The following DLG2 variants were observed in gnomAD, a reference collection of about 807,000 sequenced individuals.
DLG2 encodes the protein discs large MAGUK scaffold protein 2.
Under a neutral mutation model 132.5 loss-of-function variants are expected in DLG2, and 45 were observed. The observed-to-expected ratio is 0.34, with a 90% confidence interval of 0.27 to 0.44. DLG2 has a LOEUF of 0.44. DLG2 is among the 20% of genes least tolerant of loss of function. DLG2 has a pLI of 1.00. For missense variants in DLG2, 1,045 were observed against 1,196.9 expected, an observed-to-expected ratio of 0.87 and a Z score of 1.87; for synonymous variants, 424 against 419.6, an observed-to-expected ratio of 1.01 and a Z score of -0.13.
At chr11:85,496,828 T>C (rs1486649490) in intron 3 of DLG2, among the ~76,000 whole-genome samples, 2 of 152,058 alleles carry the variant, frequency 1.3e-5, no homozygotes, top group African/African-American at 4.8e-5. Flanking sequence ...GACCTGCAGC[T>C]GAGAGGCCTG....
intron 3 of DLG2, among the ~76,000 whole-genome samples, chr11:85,295,634 T>C (rs1025527619): frequency 1.3e-5 from 2 of 152,128 alleles, no homozygotes; most frequent in African/African-American, 4.8e-5. Flanking sequence ...CATAATAGAA[T>C]GTTAGGGGTT....
At chr11:84,037,810 A>C (rs1411514396) in intron 11 of DLG2, among the ~76,000 whole-genome samples, 2 of 152,032 alleles carry the variant, frequency 1.3e-5, no homozygotes, top group African/African-American at 4.8e-5. Context: ...AGTTTCATAC[A>C]TGTTGATGTT....
chr11:85,625,439 G>A (rs1478172641), intron 2 of DLG2, among the ~76,000 whole-genome samples: 2 of 152,142 alleles, frequency 1.3e-5, no homozygotes, highest in African/African-American at 2.4e-5. Context: ...GAAACAGCAG[G>A]GGGAGGAAAC....
intron 3 of DLG2, among the ~76,000 whole-genome samples, chr11:85,466,415 G>C (rs2092792588): frequency 3.3e-5 from 5 of 152,166 alleles, no homozygotes. Flanking sequence ...TATTGCCTAG[G>C]TATTCTTCTA....
intron 6 of DLG2, among the ~76,000 whole-genome samples, chr11:84,553,383 A>C (rs1357748313): frequency 3.9e-5 from 6 of 152,216 alleles, no homozygotes; most frequent in Non-Finnish European, 4.4e-5. Flanking sequence ...AAATGTTATC[A>C]ACCTAAAATG....
intron 6 of DLG2, among the ~76,000 whole-genome samples, chr11:84,984,052 A>G (rs2056144612): frequency 6.6e-6 from 1 of 152,224 alleles, no homozygotes; most frequent in South Asian, 2.1e-4. Context: ...TTCCTGAGTA[A>G]AAAGAGAAAT....
intron 5 of DLG2, among the ~76,000 whole-genome samples, chr11:85,132,026 T>A (rs973219646): frequency 1.3e-5 from 2 of 152,140 alleles, no homozygotes; most frequent in South Asian, 4.1e-4. Context: ...ATTCAAATAA[T>A]CAGTGATTAT....
intron 6 of DLG2, among the ~76,000 whole-genome samples, chr11:84,927,377 G>A (rs1010025520): frequency 6.6e-6 from 1 of 151,872 alleles, no homozygotes; most frequent in Non-Finnish European, 1.5e-5. Context: ...ATACGTTAAG[G>A]ATTCTCTAGA....
Position 85,314,057 on chromosome 11 carries a change from A to G in DLG2, c.41-28692T>C, listed in dbSNP as rs1260776246. Among the ~76,000 whole-genome samples the G allele has an allele frequency of 2.0e-5, 3 of 152,036 alleles. No homozygotes were observed. The East Asian group carries it at 5.8e-4, about 29-fold the overall frequency. ...CCCAAAATGAAACAAAAAGTAAAGA[A>G]CAATTAGACTGCTTCTAAATTTTAG... On this transcript the variant is annotated intron_variant, in intron 3 of 27. Coordinates refer to ENST00000376104, the MANE Select transcript of DLG2 (RefSeq NM_001142699.3).
chr11:85,389,151 TA>T (rs945137524), intron 3 of DLG2, among the ~76,000 whole-genome samples: 2 of 151,742 alleles, frequency 1.3e-5, no homozygotes, highest in African/African-American at 4.8e-5. Flanking sequence ...ATACATAGAA[TA>T]AATAAAAAAC....
At chr11:84,824,222 C>A (rs114204472) in intron 6 of DLG2, among the ~76,000 whole-genome samples, 211 of 152,032 alleles carry the variant, frequency 1.4e-3, no homozygotes, top group African/African-American at 4.9e-3. Flanking sequence ...ATCTTCTGCT[C>A]ACATCTTTAC....
chr11:83,550,031 A>G (rs2096349427), intron 19 of DLG2, among the ~76,000 whole-genome samples: 1 of 152,190 alleles, frequency 6.6e-6, no homozygotes, highest in Admixed American at 6.5e-5. Context: ...TGTTCTGTGG[A>G]TTGTATGACA....
At chr11:85,181,571 A>AT (rs2079706007) in intron 4 of DLG2, among the ~76,000 whole-genome samples, 1 of 151,590 alleles carries the variant, frequency 6.6e-6, no homozygotes, top group African/African-American at 2.4e-5. Flanking sequence ...TTCCCTTGTT[A>AT]TTTTTTCCCT....
intron 6 of DLG2, among the ~76,000 whole-genome samples, chr11:84,940,409 T>C (rs1420224740): frequency 6.6e-6 from 1 of 152,212 alleles, no homozygotes; most frequent in Non-Finnish European, 1.5e-5. Flanking sequence ...TGCCTAGGCC[T>C]CCCAAAGTGC....
intron 6 of DLG2, among the ~76,000 whole-genome samples, chr11:84,575,538 T>C (rs1007590227): frequency 6.6e-6 from 1 of 152,210 alleles, no homozygotes; most frequent in Non-Finnish European, 1.5e-5. Context: ...GTTAAATGTA[T>C]CTTTTAAGAA....
intron 4 of DLG2, among the ~76,000 whole-genome samples, chr11:85,253,288 C>A (rs1288464579): frequency 6.6e-6 from 1 of 152,086 alleles, no homozygotes; most frequent in Non-Finnish European, 1.5e-5. Flanking sequence ...CATAGCAAAA[C>A]AAAATTTTTA....
intron 19 of DLG2, among the ~76,000 whole-genome samples, chr11:83,587,688 T>G (rs184350292): frequency 0.017 from 2,588 of 152,226 alleles, 34 homozygotes; most frequent in Middle Eastern, 0.071. Flanking sequence ...CAGCGTGAGC[T>G]ACGCAGAAGA....
chr11:85,094,433 TC>T (rs1468900194), intron 6 of DLG2, among the ~76,000 whole-genome samples: 1 of 152,192 alleles, frequency 6.6e-6, no homozygotes, highest in African/African-American at 2.4e-5. Context: ...AGACTTTTTT[TC>T]CTACATTGAA....
intron 19 of DLG2, among the ~76,000 whole-genome samples, chr11:83,583,690 G>A (rs956813849): frequency 6.6e-6 from 1 of 152,134 alleles, no homozygotes; most frequent in East Asian, 1.9e-4. Flanking sequence ...TCTTCTGGAC[G>A]ATAAGTTTCT....
Sources: gnomAD v4.1 joint callset for allele counts (sites outside exome capture counted in the v4.1 genomes callset) on GRCh38, gnomAD v4.1.1 for gene constraint, MANE v1.5 for transcripts, NCBI Gene and HGNC (gene_info 2026-07-23, HGNC 2026-07-21) for gene names.